Variants in NRXN3 observed in about 807,000 individuals in gnomAD.
NRXN3 encodes the protein neurexin 3, also known as neurexin III.
A neutral mutation model predicts 137.6 loss-of-function variants in NRXN3; 32 were observed. The ratio of observed to expected loss-of-function variants is 0.23; its 90% confidence interval spans 0.18 to 0.31. NRXN3 has a LOEUF of 0.31. Among genes scored for constraint, NRXN3 ranks in the 10% least tolerant of loss-of-function variants. NRXN3 has a pLI of 1.00. For missense variants in NRXN3, 1,574 were observed against 2,062.5 expected (o/e 0.76, Z 4.59); for synonymous variants, 798 against 784.5 (o/e 1.02, Z -0.29).
At chr14:79,462,060 T>C (rs2096351323) in intron 15 of NRXN3, among the ~76,000 whole-genome samples, 1 of 152,206 alleles carries the variant, frequency 6.6e-6, no homozygotes, top group African/African-American at 2.4e-5. Flanking sequence ...CACAAGTAAA[T>C]TATCCAGTTC....
chr14:78,557,389 C>T (rs2096749102), intron 4 of NRXN3, among the ~76,000 whole-genome samples: 1 of 151,944 alleles, frequency 6.6e-6, no homozygotes, highest in African/African-American at 2.4e-5. Context: ...TTCCCTCCTG[C>T]TTAATTGAAT....
At chr14:78,518,833 G>A (rs1201226918) in intron 4 of NRXN3, among the ~76,000 whole-genome samples, 1 of 152,014 alleles carries the variant, frequency 6.6e-6, no homozygotes, top group Non-Finnish European at 1.5e-5. Context: ...CCAGAACAAA[G>A]AACTACTCGT....
chr14:79,361,092 G>A (rs756205156), intron 15 of NRXN3, among the ~76,000 whole-genome samples: 7 of 152,180 alleles, frequency 4.6e-5, no homozygotes, highest in Non-Finnish European at 8.8e-5. Flanking sequence ...GGTAATTCGA[G>A]TACAGAGATA....
At chr14:78,823,931 T>C (rs1313574692) in intron 10 of NRXN3, among the ~76,000 whole-genome samples, 3 of 152,034 alleles carry the variant, frequency 2.0e-5, no homozygotes, top group Non-Finnish European at 4.4e-5. Flanking sequence ...ATTGCCAGTG[T>C]ATATCCCCCA....
intron 10 of NRXN3, among the ~76,000 whole-genome samples, chr14:78,912,440 T>C (rs145514637): frequency 7.6e-4 from 116 of 152,000 alleles, no homozygotes; most frequent in African/African-American, 2.7e-3. Flanking sequence ...TATGTCTCCA[T>C]AGGCCTTTTT....
In NRXN3 at chr14:78,466,936, C is replaced by G. The variant is rs968075129; in HGVS notation, c.757+169076C>G. On this transcript the variant is annotated intron_variant, in intron 4 of 20. Coordinates refer to ENST00000335750, the MANE Select transcript of NRXN3 (RefSeq NM_001330195.2). ...TGAAATAATCTGTACAACAATCCCC[C>G]ATGACACAAGTTTACCTGTGTAACA... 7.9e-5 allele frequency among the ~76,000 whole-genome samples: 12 copies of G among 152,214 alleles called. No individual in the cohort carries two copies. In the South Asian group the frequency reaches 1.2e-3, roughly 16 times the overall value.
intron 15 of NRXN3, among the ~76,000 whole-genome samples, chr14:79,445,540 A>G (rs1032573033): frequency 1.3e-5 from 2 of 152,136 alleles, no homozygotes; most frequent in Admixed American, 1.3e-4. Context: ...CTTACTGCTC[A>G]TGGGATAGAA....
intron 4 of NRXN3, among the ~76,000 whole-genome samples, chr14:78,423,222 C>A (rs1418886507): frequency 6.6e-6 from 1 of 152,030 alleles, no homozygotes; most frequent in Non-Finnish European, 1.5e-5. Flanking sequence ...ATACAGAAAC[C>A]AAGGACAGGA....
intron 4 of NRXN3, among the ~76,000 whole-genome samples, chr14:78,618,354 T>C (rs2097366829): frequency 6.6e-6 from 1 of 151,762 alleles, no homozygotes; most frequent in Non-Finnish European, 1.5e-5. Context: ...TTGATGAAGC[T>C]CTCTCTTCTC....
intron 16 of NRXN3, among the ~76,000 whole-genome samples, chr14:79,528,566 A>G (rs1451290771): frequency 1.3e-5 from 2 of 152,132 alleles, no homozygotes; most frequent in Non-Finnish European, 2.9e-5. Flanking sequence ...TATATACAGT[A>G]TATTCAAATG....
intron 1 of NRXN3, among the ~76,000 whole-genome samples, chr14:78,216,098 C>T (rs149692867): frequency 7.2e-4 from 109 of 152,252 alleles, no homozygotes; most frequent in African/African-American, 2.5e-3. Flanking sequence ...GCCATTTTTC[C>T]GTGTGTATCT....
chr14:78,362,764 G>A (rs2085322949), intron 4 of NRXN3, among the ~76,000 whole-genome samples: 1 of 152,144 alleles, frequency 6.6e-6, no homozygotes, highest in Admixed American at 6.5e-5. Flanking sequence ...ACATGACTTT[G>A]GACTTGGTAA....
At chr14:79,162,222 A>T (rs1190693474) in intron 15 of NRXN3, among the ~76,000 whole-genome samples, 1 of 150,870 alleles carries the variant, frequency 6.6e-6, no homozygotes, top group Admixed American at 6.6e-5. Flanking sequence ...TACATGTGCC[A>T]TGCTGGTGCG....
chr14:79,759,304 T>TACTG (rs1334142505), intron 19 of NRXN3, among the ~76,000 whole-genome samples: 1 of 151,758 alleles, frequency 6.6e-6, no homozygotes, highest in East Asian at 1.9e-4. Context: ...AATACTTCAT[T>TACTG]ACTGACAGTG....
chr14:79,163,237 C>T lies in NRXN3; in HGVS notation c.3262+175096C>T, dbSNP rs188427392. Among the ~76,000 whole-genome samples the T allele has an allele frequency of 6.6e-3, 1,009 of 151,990 alleles. 14 individuals are homozygous for T. The highest frequency in any genetic ancestry group is 0.023 in the African/African-American group (940 of 41,494). On this transcript the variant is annotated intron_variant, in intron 15 of 20. Coordinates refer to ENST00000335750, the MANE Select transcript of NRXN3 (RefSeq NM_001330195.2). The stretch of plus-strand genomic sequence containing the variant: ...GCTCACAGAGGCTTGGTAGGCTTAC[C>T]ACAATCCAACCTCACTCTCCCATCA...
chr14:78,596,007 G>A (rs1334876834), intron 4 of NRXN3, among the ~76,000 whole-genome samples: 1 of 151,990 alleles, frequency 6.6e-6, no homozygotes, highest in Non-Finnish European at 1.5e-5. Context: ...ACATCTAGTG[G>A]GTAGAGACCT....
chr14:78,801,187 G>A (rs774311943), intron 8 of NRXN3, among the ~76,000 whole-genome samples: 1 of 152,128 alleles, frequency 6.6e-6, no homozygotes, highest in East Asian at 1.9e-4. Context: ...CGCACATGGT[G>A]GCAGGTGCCT....
At chr14:79,615,349 G>GA (rs768740746) in intron 16 of NRXN3, among the ~76,000 whole-genome samples, 4 of 152,274 alleles carry the variant, frequency 2.6e-5, no homozygotes, top group Non-Finnish European at 5.9e-5. Flanking sequence ...ATTCCTACCA[G>GA]AAAAAATAAC....
intron 2 of NRXN3, among the ~76,000 whole-genome samples, chr14:78,272,052 CAA>C (rs2072845271): frequency 6.6e-6 from 1 of 152,122 alleles, no homozygotes; most frequent in African/African-American, 2.4e-5. Context: ...GGGCAGGAGT[CAA>C]TAGGCCACTG....
Sources: allele counts gnomAD v4.1 joint callset (sites outside exome capture counted in the v4.1 genomes callset), GRCh38; gene constraint gnomAD v4.1.1; transcripts MANE v1.5; gene names NCBI Gene and HGNC (gene_info 2026-07-23, HGNC 2026-07-21).